The following TRIO variants were observed in gnomAD, a reference collection of about 807,000 sequenced individuals.
The protein encoded by TRIO is trio Rho guanine nucleotide exchange factor, also known as triple functional domain protein.
TRIO carries 58 observed loss-of-function variants against 351.9 expected under a neutral mutation model. The observed-to-expected ratio is 0.16, with a 90% CI of 0.13 to 0.21. The LOEUF (loss-of-function observed/expected upper bound fraction) is 0.21. Ranked by LOEUF, TRIO falls within the 10% of genes least tolerant of loss-of-function variation. The probability of loss-of-function intolerance (pLI) is 1.00; values close to 1 mark genes in which losing one functional copy is unlikely to be tolerated. For synonymous variants in TRIO, 1,758 were observed against 1,595.7 expected (o/e 1.10, Z -2.42); for missense variants, 3,201 against 4,027.8 (o/e 0.79, Z 5.56).
At position 14,435,860 on chromosome 5, in the gene TRIO, T is replaced by C. The variant is rs191779409; in HGVS notation, c.5203+15839T>C. On this transcript the variant is annotated intron_variant, in intron 34 of 56. Coordinates refer to ENST00000344204, the MANE Select transcript of TRIO (RefSeq NM_007118.4). ...TATAGGATGTACCAGGCTCATATTG[T>C]ATTTTGCCTGCCACAGTCCTGGAGT... is the stretch of plus-strand genomic sequence containing the variant. Among the ~76,000 whole-genome samples the C allele has an allele frequency of 1.6e-4, 25 of 152,294 alleles. No individual in the cohort carries two copies. In the South Asian group the frequency reaches 4.4e-3, roughly 27 times the overall value.
chr5:14,196,852 A>G (rs1022333563), intron 1 of TRIO, among the ~76,000 whole-genome samples: 1 of 152,226 alleles, frequency 6.6e-6, no homozygotes, highest in Non-Finnish European at 1.5e-5. Flanking sequence ...TTAAATTTGC[A>G]TATGCCATTC....
chr5:14,425,785 A>G lies in TRIO; in HGVS notation c.5203+5764A>G, dbSNP rs1312792427. On this transcript the variant is annotated intron_variant, in intron 34 of 56. Transcript: ENST00000344204. ...TTTTGTCCTTCCGCCATGTGAGGGC[A>G]CAGAAGGCACCGTCTTTGAGGAGCA... Among the ~76,000 whole-genome samples the G allele has an allele frequency of 2.6e-5, 4 of 152,220 alleles. No individual in the cohort carries two copies. In the East Asian group the frequency reaches 7.7e-4, roughly 29 times the overall value.
chr5:14,393,772 T>G (rs1251945995), intron 27 of TRIO, among the ~76,000 whole-genome samples: 1 of 152,182 alleles, frequency 6.6e-6, no homozygotes, highest in African/African-American at 2.4e-5. Flanking sequence ...AAATGCAAAG[T>G]GCAAATCATG....
At chr5:14,195,195 G>A (rs1790702603) in intron 1 of TRIO, among the ~76,000 whole-genome samples, 1 of 152,176 alleles carries the variant, frequency 6.6e-6, no homozygotes, top group African/African-American at 2.4e-5. Flanking sequence ...TTTAATTGCA[G>A]CCCTCTTTAG....
In TRIO at chr5:14,381,135, G is replaced by T. The variant is rs1431373722; in HGVS notation, c.3453G>T (p.Leu1151Phe). The change falls in exon 21 of 57, where the codon TTG (leucine) becomes TTT (phenylalanine). Residue 1151 changes from leucine to phenylalanine, a missense_variant. This residue lies in a region of TRIO where 201 missense variants were observed against 266.5 expected (regional missense o/e 0.75). Coordinates refer to ENST00000344204, the MANE Select transcript of TRIO (RefSeq NM_007118.4). ...TTCATTCCTTCCCCTTCCAGGCTTT[G>T]GAATGGATCCATGACAATGGCGAGT... ...VVFERSAKQA[L>F]EWIHDNGEFY... The T allele has an allele frequency of 1.2e-6, 2 of 1,613,630 alleles. No individual in the cohort carries two copies. The highest frequency in any genetic ancestry group is 8.5e-7 in the Non-Finnish European group (1 of 1,179,786).
intron 28 of TRIO, 68 bp downstream of exon 28, chr5:14,394,198 A>T: frequency 9.9e-7 from 1 of 1,007,358 alleles, no homozygotes; most frequent in East Asian, 2.7e-5. Flanking sequence ...TTTACTATAT[A>T]TTTATATAAT....
intron 7 of TRIO, among the ~76,000 whole-genome samples, chr5:14,300,652 C>G (rs1410314137): frequency 6.6e-6 from 1 of 152,130 alleles, no homozygotes; most frequent in Non-Finnish European, 1.5e-5. Flanking sequence ...CATGAAATCT[C>G]ATTTCATCCT....
chr5:14,363,162 C>A (rs1239772457), intron 13 of TRIO, among the ~76,000 whole-genome samples: 1 of 152,040 alleles, frequency 6.6e-6, no homozygotes, highest in Non-Finnish European at 1.5e-5. Context: ...CCACGCCCAG[C>A]TAATTTTTGT....
intron 30 of TRIO, 147 bp from the exon 31 acceptor site, chr5:14,400,816 T>C (rs1748010576): frequency 1.5e-6 from 1 of 671,526 alleles, no homozygotes. Flanking sequence ...ATGTCCTCAT[T>C]ATAACTCACA....
intron 1 of TRIO, among the ~76,000 whole-genome samples, chr5:14,170,712 G>A (rs1581266800): frequency 6.6e-6 from 1 of 152,132 alleles, no homozygotes; most frequent in Non-Finnish European, 1.5e-5. Context: ...CACCATGTTG[G>A]CCAGCGTGGT....
At chr5:14,324,587 A>C (rs879567526) in intron 9 of TRIO, among the ~76,000 whole-genome samples, 4 of 152,232 alleles carry the variant, frequency 2.6e-5, no homozygotes, top group Non-Finnish European at 5.9e-5. Context: ...AAATATTTTA[A>C]AGACAGTATT....
chr5:14,246,785 T>C (rs1474325707), intron 1 of TRIO, among the ~76,000 whole-genome samples: 2 of 152,232 alleles, frequency 1.3e-5, no homozygotes, highest in Non-Finnish European at 2.9e-5. Flanking sequence ...CATTCTGTTG[T>C]GCTCTGCTTC....
intron 1 of TRIO, among the ~76,000 whole-genome samples, chr5:14,237,855 G>T (rs952078993): frequency 5.9e-5 from 9 of 152,132 alleles, no homozygotes; most frequent in African/African-American, 2.2e-4. Context: ...TGCTTGCTTG[G>T]TTTTAATTTG....
At chr5:14,252,086 G>C (rs781604585) in intron 1 of TRIO, among the ~76,000 whole-genome samples, 1 of 151,964 alleles carries the variant, frequency 6.6e-6, no homozygotes, top group African/African-American at 2.4e-5. Flanking sequence ...GAAGGAAAAG[G>C]TTACTTTCTT....
intron 1 of TRIO, among the ~76,000 whole-genome samples, chr5:14,215,765 A>G (rs1404317243): frequency 1.3e-5 from 2 of 152,182 alleles, no homozygotes; most frequent in Non-Finnish European, 2.9e-5. Flanking sequence ...AAGTTCTACT[A>G]CTCCAAAGTG....
chr5:14,469,596 C>A (rs1016530219), intron 37 of TRIO, among the ~76,000 whole-genome samples: 2 of 152,246 alleles, frequency 1.3e-5, no homozygotes, highest in African/African-American at 4.8e-5. Context: ...AGTTTTGAGA[C>A]AGCCTTAGGC....
intron 1 of TRIO, among the ~76,000 whole-genome samples, chr5:14,246,292 C>G (rs1280350254): frequency 6.6e-6 from 1 of 152,196 alleles, no homozygotes. Flanking sequence ...AGCTGTTAAA[C>G]TAGGGGGAAC....
At chr5:14,466,727 C>T (rs1278369401) in intron 37 of TRIO, among the ~76,000 whole-genome samples, 1 of 152,220 alleles carries the variant, frequency 6.6e-6, no homozygotes, top group African/African-American at 2.4e-5. Flanking sequence ...CGTTTCCCTC[C>T]AGACGTTTTC....
At chr5:14,431,687 G>A (rs1156743876) in intron 34 of TRIO, among the ~76,000 whole-genome samples, 1 of 152,152 alleles carries the variant, frequency 6.6e-6, no homozygotes, top group Non-Finnish European at 1.5e-5. Flanking sequence ...ACAGAAGGGG[G>A]AGAAGGGTGT....
Sources: allele counts gnomAD v4.1 joint callset (sites outside exome capture counted in the v4.1 genomes callset), GRCh38; gene constraint gnomAD v4.1.1; regional missense constraint gnomAD v4.1.1; transcripts MANE v1.5; gene names NCBI Gene and HGNC (gene_info 2026-07-23, HGNC 2026-07-21).